Variants in RFPL1 observed in about 807,000 individuals in gnomAD.
RFPL1 encodes the protein ret finger protein-like 1.
A neutral mutation model predicts 9.6 loss-of-function variants in RFPL1; 6 were observed. The ratio of observed to expected loss-of-function variants is 0.62; its 90% CI spans 0.34 to 1.23. The LOEUF (loss-of-function observed/expected upper bound fraction) is 1.23. Among genes scored for constraint, RFPL1 ranks in the 50% most tolerant of loss-of-function variants. The pLI is 0.03. For missense variants in RFPL1, 352 were observed against 398.4 expected (o/e 0.88, Z 0.99); for synonymous variants, 145 against 149.4 (o/e 0.97, Z 0.22).
chr22:29,427,752 A>G, the RFPL1 span, among the ~76,000 whole-genome samples: 1 of 151,866 alleles, frequency 6.6e-6, no homozygotes, highest in Non-Finnish European at 1.5e-5. Flanking sequence ...GGCCAAAGCA[A>G]CTCTATCTTG....
the RFPL1 span, among the ~76,000 whole-genome samples, chr22:29,398,305 C>T: frequency 6.6e-6 from 1 of 152,238 alleles, no homozygotes. Context: ...ACTCATTTGG[C>T]TTCCAGCTAG....
the RFPL1 span, among the ~76,000 whole-genome samples, chr22:29,405,380 A>C: frequency 6.6e-6 from 1 of 152,206 alleles, no homozygotes; most frequent in African/African-American, 2.4e-5. Context: ...AAAATCACCC[A>C]AAATAGAGTG....
chr22:29,430,008 C>G, the RFPL1 span, among the ~76,000 whole-genome samples: 1,091 of 147,216 alleles, frequency 7.4e-3, 14 homozygotes, highest in African/African-American at 0.025. Context: ...CTGAGGTTAT[C>G]AGAAACAATG....
the RFPL1 span, among the ~76,000 whole-genome samples, chr22:29,426,051 G>A: frequency 6.6e-5 from 10 of 151,800 alleles, no homozygotes; most frequent in African/African-American, 9.7e-5. Flanking sequence ...GGCCGGGTGC[G>A]GTGGCTTATG....
chr22:29,400,059 G>C, the RFPL1 span, among the ~76,000 whole-genome samples: 1 of 147,894 alleles, frequency 6.8e-6, no homozygotes, highest in African/African-American at 2.5e-5. Context: ...GCAGTGGCGC[G>C]ATCTCGGCTC....
chr22:29,410,380 A>AGATATATATATTGTAGATATATATATATG, the RFPL1 span, among the ~76,000 whole-genome samples: 1 of 88,598 alleles, frequency 1.1e-5, no homozygotes, highest in Non-Finnish European at 2.1e-5. Flanking sequence ...ATCTATATAT[A>AGATATATATATTGTAGATATATATATATG]TAGATATATA....
the RFPL1 span, among the ~76,000 whole-genome samples, chr22:29,408,218 G>A: frequency 6.6e-6 from 1 of 152,196 alleles, no homozygotes; most frequent in African/African-American, 2.4e-5. Flanking sequence ...GGGAGGAGGT[G>A]TGATGAGATG....
intron 1 of RFPL1, chr22:29,439,387 A>T: frequency 1.5e-6 from 1 of 661,896 alleles, no homozygotes; most frequent in Non-Finnish European, 2.5e-6. Flanking sequence ...TAATGTCAGC[A>T]CTTTGGGAGG....
At chr22:29,423,014 A>C in the RFPL1 span, 1 of 841,688 alleles carries the variant, frequency 1.2e-6, no homozygotes, top group Non-Finnish European at 2.0e-6. Context: ...CATTCCTGCC[A>C]CATGTTTCCA....
At chr22:29,398,411 G>A in the RFPL1 span, among the ~76,000 whole-genome samples, 1 of 152,180 alleles carries the variant, frequency 6.6e-6, no homozygotes, top group African/African-American at 2.4e-5. Flanking sequence ...CATGAAACTG[G>A]ACTGGCTCCC....
the RFPL1 span, chr22:29,388,632 T>G: frequency 4.6e-5 from 7 of 152,146 alleles, no homozygotes; most frequent in Non-Finnish European, 7.3e-5. Context: ...GGTACAACCC[T>G]GGCGGGGGTG....
chr22:29,434,237 G>T (rs546997582), upstream of RFPL1, among the ~76,000 whole-genome samples: 87 of 152,280 alleles, frequency 5.7e-4, no homozygotes, highest in African/African-American at 1.8e-3. Flanking sequence ...TAAATTTTAT[G>T]ATTTTGAGAG....
upstream of RFPL1, among the ~76,000 whole-genome samples, chr22:29,436,198 G>T (rs1203066819): frequency 6.6e-6 from 1 of 152,128 alleles, no homozygotes; most frequent in Non-Finnish European, 1.5e-5. Flanking sequence ...ACAGCTAGAT[G>T]GGAGAAATGG....
the RFPL1 span, among the ~76,000 whole-genome samples, chr22:29,406,147 TAAAAAAAAAG>T: frequency 3.8e-4 from 18 of 47,102 alleles, no homozygotes; most frequent in African/African-American, 1.5e-3. Flanking sequence ...AAAAAAAAAA[TAAAAAAAAAG>T]AAATAACACA....
intron 1 of RFPL1, 142 bp from the exon 2 acceptor site, chr22:29,441,400 T>A (rs1362626218): frequency 3.2e-6 from 3 of 941,840 alleles, no homozygotes; most frequent in Admixed American, 5.7e-5. Flanking sequence ...TCAGGGAAGT[T>A]GCCTCATGAA....
At chr22:29,415,243 A>G in the RFPL1 span, among the ~76,000 whole-genome samples, 7 of 151,480 alleles carry the variant, frequency 4.6e-5, no homozygotes, top group Non-Finnish European at 7.4e-5. Flanking sequence ...AGGAATTCAA[A>G]CCAAGTCAAA....
chr22:29,411,837 T>C, the RFPL1 span, among the ~76,000 whole-genome samples: 1 of 152,132 alleles, frequency 6.6e-6, no homozygotes, highest in African/African-American at 2.4e-5. Flanking sequence ...TAACATAATA[T>C]ATTGGGGGTT....
chr22:29,420,753 G>T, the RFPL1 span, among the ~76,000 whole-genome samples: 11 of 144,564 alleles, frequency 7.6e-5, no homozygotes, highest in Non-Finnish European at 1.6e-4. Flanking sequence ...CAATTCTCCT[G>T]CCTCAACCTC....
At chr22:29,405,836 G>A in the RFPL1 span, among the ~76,000 whole-genome samples, 1,033 of 152,236 alleles carry the variant, frequency 6.8e-3, 10 homozygotes, top group African/African-American at 0.024. Flanking sequence ...TCGGCCGGGC[G>A]CGGTGGCTCA....
Sources: allele counts gnomAD v4.1 joint callset (sites outside exome capture counted in the v4.1 genomes callset), GRCh38; gene constraint gnomAD v4.1.1; transcripts MANE v1.5; gene names NCBI Gene and HGNC (gene_info 2026-07-23, HGNC 2026-07-21).